Variants in CIBAR2 observed in about 807,000 individuals in gnomAD.
The protein encoded by CIBAR2 is CBY1-interacting BAR domain-containing protein 2.
Under a neutral mutation model 36.2 loss-of-function variants are expected in CIBAR2, and 38 were observed. That is an observed-to-expected ratio of 1.05 (90% CI 0.81 to 1.38). The LOEUF is 1.38. CIBAR2 is among the 40% of genes most tolerant of loss of function. The probability of loss-of-function intolerance (pLI) is 0.00; values close to 1 mark genes in which losing one functional copy is unlikely to be tolerated. For synonymous variants in CIBAR2, 182 were observed against 149.5 expected, an observed-to-expected ratio of 1.22 and a Z score of -1.58; for missense variants, 481 against 383.4, an observed-to-expected ratio of 1.25 and a Z score of -2.13.
chr16:85,112,286 C>G (rs763880709), intron 1 of CIBAR2, 47 bp downstream of exon 1: 2 of 1,539,842 alleles, frequency 1.3e-6, no homozygotes, highest in East Asian at 2.5e-5. Flanking sequence ...GGCCTCAAAA[C>G]CCGACTTCCA....
chr16:85,108,176 G>C (rs760914938), intron 2 of CIBAR2, 77 bp from the exon 3 acceptor site: 8 of 1,390,888 alleles, frequency 5.8e-6, no homozygotes, highest in Non-Finnish European at 7.8e-6. Context: ...AAGCAGAGCC[G>C]GCACCCGGGA....
At chr16:85,111,671 C>T (rs1039714004) in intron 1 of CIBAR2, among the ~76,000 whole-genome samples, 2 of 152,172 alleles carry the variant, frequency 1.3e-5, no homozygotes, top group Admixed American at 1.3e-4. Context: ...CATGGTGAAA[C>T]CCCGTCTCTA....
rs2073929321 is a variant in CIBAR2, at chr16:85,098,640, C to T, written c.*545G>A. On this transcript the variant is annotated 3_prime_UTR_variant, in exon 9 of 9. Transcript: ENST00000539556. ...CCTCCATGGAGTTGTCCTCACTCTC[C>T]TCCCCTTCTTTTCCTGGGCTCCATA... The T allele has an allele frequency of 5.1e-6, 5 of 985,636 alleles. No individual in the cohort carries two copies. In the Admixed American group the frequency reaches 3.1e-4, roughly 61 times the overall value. The allele number at this position is 985,636 out of a possible 1,614,324, so 61.1% of individuals were successfully genotyped here.
At chr16:85,102,813 G>C (rs902122122) in intron 6 of CIBAR2, among the ~76,000 whole-genome samples, 1 of 152,008 alleles carries the variant, frequency 6.6e-6, no homozygotes, top group African/African-American at 2.4e-5. Flanking sequence ...CCTTAGATAA[G>C]CCAGTATTCT....
intron 6 of CIBAR2, among the ~76,000 whole-genome samples, chr16:85,103,716 G>T (rs1331028363): frequency 2.0e-5 from 3 of 152,208 alleles, no homozygotes; most frequent in Non-Finnish European, 4.4e-5. Context: ...ATTCATGCAG[G>T]CGTTCACTCA....
chr16:85,099,585 G>A (rs2144149082), intron 8 of CIBAR2, among the ~76,000 whole-genome samples: 1 of 151,938 alleles, frequency 6.6e-6, no homozygotes, highest in South Asian at 2.1e-4. Context: ...GGGACCGTGT[G>A]GCCTACCACA....
At chr16:85,099,979 C>G (rs182333545) in intron 8 of CIBAR2, among the ~76,000 whole-genome samples, 160 bp downstream of exon 8, 1 of 151,958 alleles carries the variant, frequency 6.6e-6, no homozygotes, top group South Asian at 2.1e-4. Context: ...GTCAGACCCC[C>G]GGGCAGCCCT....
At chr16:85,105,839 C>A (rs1159057747) in intron 5 of CIBAR2, among the ~76,000 whole-genome samples, 1 of 152,198 alleles carries the variant, frequency 6.6e-6, no homozygotes, top group Admixed American at 6.5e-5. Context: ...GTAATTAACT[C>A]TTTCGTTCCT....
In CIBAR2 at chr16:85,098,823, C is replaced by G; in HGVS notation, c.*362G>C. Reference sequence around the variant, plus strand: ...ATCTGATACTCAGCACAGCCCTACACGGAGGTTACTGTTCTAAGCCACTCT... The same window carrying G: ...ATCTGATACTCAGCACAGCCCTACAGGGAGGTTACTGTTCTAAGCCACTCT... On this transcript the variant is annotated 3_prime_UTR_variant, in exon 9 of 9. Transcript: ENST00000539556. 3 of 226,290 alleles carry G rather than the reference C, an allele frequency of 1.3e-5. 1 individual carries two copies. Among genetic ancestry groups the G allele is most frequent in the Non-Finnish European group, 2.3e-5 (3 of 131,928 alleles). 14.0% of individuals were successfully genotyped at this position (226,290 alleles called of 1,614,324 possible).
Position 85,108,037 on chromosome 16 carries a change from C to G in CIBAR2, c.318G>C (p.Gln106His). The G allele has an allele frequency of 6.2e-7, 1 of 1,613,812 alleles. No homozygotes were observed. The highest frequency in any genetic ancestry group is 1.1e-5 in the South Asian group (1 of 91,062). Residue 106 changes from glutamine to histidine, a missense_variant, in exon 3 of 9, where the codon CAG becomes CAC. By Grantham distance (24) the Gln-to-His change is conservative (BLOSUM62 0). Transcript: ENST00000539556. ...CCGAGGTGCCCCGGCTCACCCGTGT[C>G]TGCTTGATCTGTGCCCCGTAGAGCT... ...PLKLYGAQIK[Q>H]TRAEIKKFKH...
intron 8 of CIBAR2, among the ~76,000 whole-genome samples, chr16:85,099,923 A>G (rs1015291715): frequency 1.3e-5 from 2 of 149,354 alleles, no homozygotes; most frequent in African/African-American, 4.9e-5. Flanking sequence ...GATTATAGGC[A>G]TGAGCCACCG....
intron 8 of CIBAR2, 64 bp downstream of exon 8, chr16:85,100,075 C>T: frequency 7.7e-7 from 1 of 1,295,014 alleles, no homozygotes; most frequent in African/African-American, 1.5e-5. Flanking sequence ...GGGGTTACTA[C>T]CACGGGCCTT....
At chr16:85,101,258 G>T (rs569541227) in intron 7 of CIBAR2, among the ~76,000 whole-genome samples, 1 of 152,150 alleles carries the variant, frequency 6.6e-6, no homozygotes, top group African/African-American at 2.4e-5. Context: ...TGCTGCTGTC[G>T]TGGAGATCTT....
rs372330969 is a variant in CIBAR2 at position 85,107,966 on chromosome 16, G to C, written c.325-19C>G. 3 of 1,613,254 alleles carry C rather than the reference G, an allele frequency of 1.9e-6. No individual in the cohort carries two copies. In the African/African-American group the frequency reaches 4.0e-5, roughly 22 times the overall value. On this transcript the variant is annotated intron_variant, in intron 3 of 8. Coordinates refer to ENST00000539556, the MANE Select transcript of CIBAR2 (RefSeq NM_198491.3). The stretch of plus-strand genomic sequence containing the variant: ...TCTCAGCCTGCAGAAAAGGAGGAGG[G>C]TTGTTTCCTGGGATCCCACAGGGCA...
chr16:85,105,525 T>A, intron 5 of CIBAR2, 94 bp from the exon 6 acceptor site: 1 of 869,548 alleles, frequency 1.2e-6, no homozygotes, highest in Non-Finnish European at 1.8e-6. Flanking sequence ...AACCCTTCTC[T>A]CAGGCCAGTT....
rs773398398 is a variant in CIBAR2 at position 85,110,448 on chromosome 16, C to A, written c.33G>T (p.Val11=). Residue 11 remains valine (V), a synonymous_variant, in exon 2 of 9, where the codon GTG becomes GTT. Coordinates refer to ENST00000539556, the MANE Select transcript of CIBAR2 (RefSeq NM_198491.3). Reference sequence around the variant, plus strand: ...TGGCCACGGTATTCTCCATCACCCTCACCTGGCTGTCCCTGTGGAGGCGGG... The same window carrying A: ...TGGCCACGGTATTCTCCATCACCCTAACCTGGCTGTCCCTGTGGAGGCGGG... The part of the protein sequence containing the change: MNIVFSRDSQ[V]RVMENTVANT... The A allele has an allele frequency of 1.3e-6, 2 of 1,599,164 alleles. No individual in the cohort carries two copies. Among genetic ancestry groups the A allele is most frequent in the South Asian group, 1.1e-5 (1 of 90,236 alleles).
intron 1 of CIBAR2, among the ~76,000 whole-genome samples, chr16:85,111,847 C>G (rs913245694): frequency 6.6e-6 from 1 of 152,102 alleles, no homozygotes; most frequent in Non-Finnish European, 1.5e-5. Flanking sequence ...GAGAGTCCAT[C>G]TCAAAAAAAT....
chr16:85,109,935 T>C (rs1360685803), intron 2 of CIBAR2, among the ~76,000 whole-genome samples: 2 of 152,184 alleles, frequency 1.3e-5, no homozygotes, highest in African/African-American at 2.4e-5. Context: ...GAGGCCCTCA[T>C]AGGCCTTGGA....
At position 85,098,641 on chromosome 16, in the gene CIBAR2, T is replaced by C; in HGVS notation, c.*544A>G. 2 of 985,618 alleles carry C rather than the reference T, an allele frequency of 2.0e-6. No homozygotes were observed. The highest frequency in any genetic ancestry group is 1.1e-4 in the East Asian group (1 of 8,808). The allele number at this position is 985,618 out of a possible 1,614,324, so 61.1% of individuals were successfully genotyped here. A position where few individuals can be genotyped will look rare whatever the true frequency, so the allele number is the denominator to read the frequency against. ...CTCCATGGAGTTGTCCTCACTCTCC[T>C]CCCCTTCTTTTCCTGGGCTCCATAT... On this transcript the variant is annotated 3_prime_UTR_variant, in exon 9 of 9. Coordinates refer to ENST00000539556, the MANE Select transcript of CIBAR2 (RefSeq NM_198491.3).
Sources: gnomAD v4.1 joint callset for allele counts (sites outside exome capture counted in the v4.1 genomes callset) on GRCh38, gnomAD v4.1.1 for gene constraint, MANE v1.5 for transcripts, NCBI Gene and HGNC (gene_info 2026-07-23, HGNC 2026-07-21) for gene names.